SLC25A51: variants seen among roughly 807,000 people sequenced by gnomAD.
The protein encoded by SLC25A51 is solute carrier family 25 member 51.
In SLC25A51, 11 loss-of-function variants were observed where a neutral mutation model predicts 19.1. That is an observed-to-expected ratio of 0.58 (90% CI 0.36 to 0.96). The LOEUF (loss-of-function observed/expected upper bound fraction) is 0.96. SLC25A51 is among the 40% of genes least tolerant of loss of function. The pLI is 0.01. For missense variants in SLC25A51, 201 were observed against 365.4 expected (o/e 0.55, Z 3.67); for synonymous variants, 105 against 133.6 (o/e 0.79, Z 1.47).
downstream of SLC25A51, among the ~76,000 whole-genome samples, chr9:37,885,254 T>G (rs1227820856): frequency 6.9e-6 from 1 of 145,948 alleles, no homozygotes; most frequent in Non-Finnish European, 1.5e-5. Context: ...AGAAAAAGAA[T>G]CCTATCTTGG....
intron 2 of SLC25A51, among the ~76,000 whole-genome samples, chr9:37,892,309 C>G (rs1222330785): frequency 6.6e-6 from 1 of 152,200 alleles, no homozygotes; most frequent in Non-Finnish European, 1.5e-5. Flanking sequence ...ATAACTGTCA[C>G]TATGCACATA....
rs1831512348 is a variant in SLC25A51, at chr9:37,888,522, C to G, written c.29G>C (p.Arg10Thr). 6.2e-7 allele frequency: 1 copy of G among 1,610,450 alleles called. No homozygotes were observed. The highest frequency in any genetic ancestry group is 1.3e-5 in the African/African-American group (1 of 74,698). Residue 10 changes from arginine (R) to threonine (T), a missense_variant, in exon 3 of 3, where the codon AGG becomes ACG. Arg to Thr is a moderately conservative substitution (Grantham distance 71). Coordinates refer to ENST00000242275, the MANE Select transcript of SLC25A51 (RefSeq NM_033412.4). ...TTTTGAAGATGTTAGTATTGGTGGC[C>G]TCTTTTCATGAGCTTCTGAATCCAT... MMDSEAHEKRPPILTSSKQD... is the reference protein window; with the variant it reads MMDSEAHEKTPPILTSSKQD...
chr9:37,900,083 C>T (rs1831813630), intron 1 of SLC25A51, 133 bp from the exon 2 acceptor site: 1 of 142,544 alleles, frequency 7.0e-6, no homozygotes, highest in South Asian at 2.3e-4. Flanking sequence ...AGTGTTCCTC[C>T]CACCCTGGCC....
At chr9:37,898,719 A>AAAAT (rs1290622832) in intron 2 of SLC25A51, among the ~76,000 whole-genome samples, 3 of 152,126 alleles carry the variant, frequency 2.0e-5, no homozygotes, top group East Asian at 1.9e-4. Flanking sequence ...CTCTGTCTCA[A>AAAAT]AAATAAATAA....
intron 1 of SLC25A51, among the ~76,000 whole-genome samples, chr9:37,901,669 T>C (rs13301095): frequency 0.13 from 19,178 of 152,154 alleles, 1,456 homozygotes; most frequent in East Asian, 0.29. Context: ...AAAAATAAGA[T>C]TAAAGGGAAA....
intron 2 of SLC25A51, among the ~76,000 whole-genome samples, chr9:37,890,937 T>G (rs1203003779): frequency 6.6e-6 from 1 of 152,202 alleles, no homozygotes; most frequent in East Asian, 1.9e-4. Context: ...TAAGTTTTTT[T>G]TCCCTCCTCA....
chr9:37,890,149 C>T (rs936469265), intron 2 of SLC25A51, among the ~76,000 whole-genome samples: 1 of 152,074 alleles, frequency 6.6e-6, no homozygotes, highest in Non-Finnish European at 1.5e-5. Context: ...CTTTGGGAGG[C>T]TGGGGCAGGA....
At chr9:37,885,051 T>G (rs577399495), downstream of SLC25A51, among the ~76,000 whole-genome samples, 2 of 152,274 alleles carry the variant, frequency 1.3e-5, no homozygotes, top group South Asian at 4.1e-4. Flanking sequence ...AAGCTGTTTT[T>G]CTTTTCTGTT....
chr9:37,883,695 A>G (rs1181260416), downstream of SLC25A51, among the ~76,000 whole-genome samples: 1 of 152,258 alleles, frequency 6.6e-6, no homozygotes, highest in Non-Finnish European at 1.5e-5. Flanking sequence ...GTCAGGCACC[A>G]AGGTGCCTTT....
chr9:37,885,875 C>A, downstream of SLC25A51: 1 of 1,588,142 alleles, frequency 6.3e-7, no homozygotes. Flanking sequence ...TGATGACGTG[C>A]AAACCCCCCC....
In SLC25A51 at chr9:37,896,019, G is replaced by T. The variant is rs142596845; in HGVS notation, c.-43+3810C>A. Reference sequence around the variant, plus strand: ...AGTAAAGACAAGGTTTTGCCACATTGGCCAGGCTGGTCTCAAACTCCTGGC... The same window carrying T: ...AGTAAAGACAAGGTTTTGCCACATTTGCCAGGCTGGTCTCAAACTCCTGGC... On this transcript the variant is annotated intron_variant, in intron 2 of 2. Coordinates refer to ENST00000242275, the MANE Select transcript of SLC25A51 (RefSeq NM_033412.4). Among the ~76,000 whole-genome samples, 1,126 of 151,836 alleles carry T rather than the reference G, an allele frequency of 7.4e-3. 12 individuals carry two copies. The highest frequency in any genetic ancestry group is 0.025 in the African/African-American group (1,050 of 41,382).
rs1831808182 is a variant in SLC25A51 at position 37,899,968 on chromosome 9, T to C, written c.-164-18A>G. 6.7e-6 allele frequency: 1 copy of C among 149,130 alleles called. No homozygotes were observed. The highest frequency in any genetic ancestry group is 6.8e-5 in the Admixed American group (1 of 14,762). The allele number at this position is 149,130 out of a possible 1,614,324, so 9.2% of individuals were successfully genotyped here. On this transcript the variant is annotated intron_variant, in intron 1 of 2. Coordinates refer to ENST00000242275, the MANE Select transcript of SLC25A51 (RefSeq NM_033412.4). ...TGGATTTCCTTAAAAAAAAAAAAAT[T>C]CTGGTTTAATTTATATAGCCTTTTT...
chr9:37,895,915 G>T (rs1831705316), intron 2 of SLC25A51, among the ~76,000 whole-genome samples: 1 of 151,444 alleles, frequency 6.6e-6, no homozygotes, highest in African/African-American at 2.4e-5. Flanking sequence ...CCTGGTTCAA[G>T]TGATTCTCCT....
downstream of SLC25A51, chr9:37,886,322 C>T (rs1436780572): frequency 6.2e-7 from 1 of 1,613,858 alleles, no homozygotes; most frequent in African/African-American, 1.3e-5. Context: ...AGACAATATC[C>T]CTGAGGAGCA....
chr9:37,900,606 A>C (rs1355597023), intron 1 of SLC25A51, among the ~76,000 whole-genome samples: 2 of 151,966 alleles, frequency 1.3e-5, no homozygotes, highest in Non-Finnish European at 2.9e-5. Flanking sequence ...CTTTTAAAAA[A>C]CATTTTTTTA....
At chr9:37,903,021 C>G (rs1220745493) in intron 1 of SLC25A51, among the ~76,000 whole-genome samples, 1 of 152,204 alleles carries the variant, frequency 6.6e-6, no homozygotes, top group Non-Finnish European at 1.5e-5. Context: ...AAAGCAATAT[C>G]TGATTTTAAA....
At chr9:37,885,342 TAAAAAAAA>T (rs60095173), downstream of SLC25A51, among the ~76,000 whole-genome samples, 27 of 99,244 alleles carry the variant, frequency 2.7e-4, 1 homozygote, top group Non-Finnish European at 9.9e-5. Context: ...TAGGTAATGA[TAAAAAAAA>T]AAAAAAAAAA....
chr9:37,886,501 T>C (rs1405563807), downstream of SLC25A51: 30 of 1,212,102 alleles, frequency 2.5e-5, no homozygotes, highest in Non-Finnish European at 3.4e-5. Context: ...TGTGACTGGG[T>C]GGGGCAGTGC....
chr9:37,890,790 G>A (rs1450058992), intron 2 of SLC25A51, among the ~76,000 whole-genome samples: 3 of 152,040 alleles, frequency 2.0e-5, no homozygotes, highest in East Asian at 3.8e-4. Context: ...GTACACCCAC[G>A]TTCACAGAAG....
Sources: gnomAD v4.1 joint callset for allele counts (sites outside exome capture counted in the v4.1 genomes callset) on GRCh38, gnomAD v4.1.1 for gene constraint, MANE v1.5 for transcripts, NCBI Gene and HGNC (gene_info 2026-07-23, HGNC 2026-07-21) for gene names.